Variants in ATP1B1 observed in about 807,000 individuals in gnomAD.
ATP1B1 encodes the protein sodium/potassium-transporting ATPase subunit beta-1.
A neutral mutation model predicts 39.6 loss-of-function variants in ATP1B1; 3 were observed. The ratio of observed to expected loss-of-function variants is 0.08; its 90% CI spans 0.03 to 0.20. ATP1B1 has a LOEUF of 0.20. Among genes scored for constraint, ATP1B1 ranks in the 10% least tolerant of loss-of-function variants. The probability of loss-of-function intolerance (pLI) is 1.00; values close to 1 mark genes in which losing one functional copy is unlikely to be tolerated. For synonymous variants in ATP1B1, 139 were observed against 135.0 expected, an observed-to-expected ratio of 1.03 and a Z score of -0.20; for missense variants, 216 against 371.1, an observed-to-expected ratio of 0.58 and a Z score of 3.43.
At chr1:169,107,035 T>G in intron 1 of ATP1B1, 109 bp downstream of exon 1, 4 of 1,088,662 alleles carry the variant, frequency 3.7e-6, no homozygotes, top group Non-Finnish European at 5.1e-6. Flanking sequence ...CTGGCCGGGG[T>G]GGCGGGGGCG....
At chr1:169,118,076 A>G (rs917930787) in intron 2 of ATP1B1, among the ~76,000 whole-genome samples, 1 of 152,230 alleles carries the variant, frequency 6.6e-6, no homozygotes, top group East Asian at 1.9e-4. Context: ...TGTATTGAGA[A>G]TAAGCACAAT....
chr1:169,114,245 A>T lies in ATP1B1; in HGVS notation c.226+2747A>T, dbSNP rs184732444. ...TAACTCCTTAAGTATGCAGACAAAC[A>T]GTGTGTTTAAGAATACCCTGACAAT... On this transcript the variant is annotated intron_variant, in intron 2 of 5. Transcript: ENST00000367815. Among the ~76,000 whole-genome samples the T allele has an allele frequency of 6.8e-5, 10 of 147,682 alleles. No individual in the cohort carries two copies. The East Asian group carries it at 1.2e-3, about 17-fold the overall frequency.
Position 169,110,738 on chromosome 1 carries a change from T to C in ATP1B1, c.98-632T>C. Reference sequence around the variant, plus strand: ...ATTTTCACTATAGAATTTTCTTTTTTTCCCCTTGTCTTGTCCTCCGAGGGG... The same window carrying C: ...ATTTTCACTATAGAATTTTCTTTTTCTCCCCTTGTCTTGTCCTCCGAGGGG... On this transcript the variant is annotated intron_variant, in intron 1 of 5. Coordinates refer to ENST00000367815, the MANE Select transcript of ATP1B1 (RefSeq NM_001677.4). The C allele has an allele frequency of 2.5e-6, 3 of 1,221,640 alleles. No individual in the cohort carries two copies. The Middle Eastern group carries it at 6.6e-4, about 270-fold the overall frequency. The allele number at this position is 1,221,640 out of a possible 1,614,324, so 75.7% of individuals were successfully genotyped here.
At chr1:169,127,144 G>T in intron 3 of ATP1B1, 80 bp from the exon 4 acceptor site, 1 of 1,420,188 alleles carries the variant, frequency 7.0e-7, no homozygotes, top group South Asian at 1.6e-5. Flanking sequence ...AGGTAACTAT[G>T]ACAAGGAAGA....
At chr1:169,124,703 A>G (rs1658052180) in intron 2 of ATP1B1, among the ~76,000 whole-genome samples, 181 bp from the exon 3 acceptor site, 1 of 152,236 alleles carries the variant, frequency 6.6e-6, no homozygotes, top group African/African-American at 2.4e-5. Flanking sequence ...ATTAAAGCAT[A>G]GTCACTGGTA....
At chr1:169,109,796 A>G (rs991679475) in intron 1 of ATP1B1, among the ~76,000 whole-genome samples, 6 of 151,928 alleles carry the variant, frequency 3.9e-5, no homozygotes, top group South Asian at 2.1e-4. Flanking sequence ...AGCAAGAGGA[A>G]ACTTGAATCA....
intron 4 of ATP1B1, among the ~76,000 whole-genome samples, chr1:169,128,873 T>C (rs955147005): frequency 3.3e-5 from 5 of 152,202 alleles, no homozygotes; most frequent in Non-Finnish European, 2.9e-5. Flanking sequence ...AGCTACTCTT[T>C]CTTTTCAGTC....
intron 1 of ATP1B1, chr1:169,110,709 G>T: frequency 3.9e-6 from 5 of 1,276,368 alleles, no homozygotes; most frequent in Non-Finnish European, 5.1e-6. Context: ...AAAATGTGCT[G>T]GTCATTTTCA....
chr1:169,124,542 C>T (rs918043832), intron 2 of ATP1B1, among the ~76,000 whole-genome samples: 17 of 152,206 alleles, frequency 1.1e-4, no homozygotes, highest in African/African-American at 4.1e-4. Context: ...CTTTGGAGTA[C>T]AGCACACCTG....
At position 169,127,414 on chromosome 1, in the gene ATP1B1, T is replaced by C. The variant is rs951412561; in HGVS notation, c.567+6T>C. The C allele has an allele frequency of 1.9e-6, 3 of 1,604,198 alleles. No individual in the cohort carries two copies. The African/African-American group carries it at 4.0e-5, about 22-fold the overall frequency. On this transcript the variant is annotated splice_donor_region_variant and intron_variant, in intron 4 of 5. Coordinates refer to ENST00000367815, the MANE Select transcript of ATP1B1 (RefSeq NM_001677.4). ...TTCTAGGCTTCAAACCTAAGGCAAG[T>C]AATATTTTAAATGATAGAATTTAGA...
At chr1:169,112,351 A>G (rs978718666) in intron 2 of ATP1B1, among the ~76,000 whole-genome samples, 2 of 152,378 alleles carry the variant, frequency 1.3e-5, no homozygotes, top group Non-Finnish European at 2.9e-5. Context: ...AATAGCCACA[A>G]ACGTGAATTT....
chr1:169,120,919 A>AT (rs1347108853), intron 2 of ATP1B1, among the ~76,000 whole-genome samples: 9 of 144,212 alleles, frequency 6.2e-5, no homozygotes, highest in Non-Finnish European at 1.2e-4. Context: ...GATCTTAGAT[A>AT]TTTTTTTTCT....
intron 3 of ATP1B1, 123 bp downstream of exon 3, chr1:169,125,162 GC>G: frequency 7.9e-7 from 1 of 1,263,370 alleles, no homozygotes; most frequent in Non-Finnish European, 1.1e-6. Context: ...TTGAACTCTG[GC>G]CATATTTAGA....
chr1:169,127,375 A>T lies in ATP1B1; in HGVS notation c.534A>T (p.Ile178=). 1.2e-6 allele frequency: 2 copies of T among 1,612,034 alleles called. No homozygotes were observed. The highest frequency in any genetic ancestry group is 1.1e-5 in the South Asian group (1 of 90,260). Residue 178 remains isoleucine, a synonymous_variant, in exon 4 of 6, where the codon ATA becomes ATT. Transcript: ENST00000367815. ...AAGAGGGCAAACCGTGCATTATTATAAAGCTCAACCGAGTTCTAGGCTTCA... is the reference window on the plus strand; with the variant it reads ...AAGAGGGCAAACCGTGCATTATTATTAAGCTCAACCGAGTTCTAGGCTTCA... ...GYKEGKPCII[I]KLNRVLGFKP...
At chr1:169,126,833 CCT>C (rs1301932179) in intron 3 of ATP1B1, among the ~76,000 whole-genome samples, 1 of 152,032 alleles carries the variant, frequency 6.6e-6, no homozygotes, top group Non-Finnish European at 1.5e-5. Flanking sequence ...TTATAATATC[CCT>C]GTTACTGAGC....
rs541136896 is a variant in ATP1B1 at position 169,114,858 on chromosome 1, C to T, written c.226+3360C>T. Among the ~76,000 whole-genome samples, 3 of 151,652 alleles carry T rather than the reference C, an allele frequency of 2.0e-5. No individual in the cohort carries two copies. The East Asian group carries it at 5.8e-4, about 29-fold the overall frequency. ...GGGCAACATAGCAAGACCCCATATC[C>T]ACACACACACAAAAAATTTTTTTAA... On this transcript the variant is annotated intron_variant, in intron 2 of 5. Coordinates refer to ENST00000367815, the MANE Select transcript of ATP1B1 (RefSeq NM_001677.4).
In ATP1B1 at chr1:169,132,641, T is replaced by C; in HGVS notation, c.*1086T>C. 1 of 682,376 alleles carries C rather than the reference T, an allele frequency of 1.5e-6. No individual in the cohort carries two copies. The highest frequency in any genetic ancestry group is 2.4e-6 in the Non-Finnish European group (1 of 408,350). The allele number at this position is 682,376 out of a possible 1,614,324, so 42.3% of individuals were successfully genotyped here. A position where few individuals can be genotyped will look rare whatever the true frequency, so the allele number is the denominator to read the frequency against. On this transcript the variant is annotated 3_prime_UTR_variant, in exon 6 of 6. Transcript: ENST00000367815. ...AAAATCCATGTTCTAACATATGTAA[T>C]AATTGCCAGGAGTACAGTGCTCTTG...
chr1:169,109,894 C>T (rs1431188740), intron 1 of ATP1B1, among the ~76,000 whole-genome samples: 1 of 152,028 alleles, frequency 6.6e-6, no homozygotes, highest in Non-Finnish European at 1.5e-5. Flanking sequence ...GATCTCTTGA[C>T]GTCACAGCGT....
intron 2 of ATP1B1, among the ~76,000 whole-genome samples, chr1:169,119,796 T>C (rs1370635260): frequency 7.3e-6 from 1 of 136,354 alleles, no homozygotes; most frequent in African/African-American, 3.0e-5. Flanking sequence ...AGCTGAAAAA[T>C]CATAAGGCAA....
Sources: allele counts gnomAD v4.1 joint callset (sites outside exome capture counted in the v4.1 genomes callset), GRCh38; gene constraint gnomAD v4.1.1; transcripts MANE v1.5; gene names NCBI Gene and HGNC (gene_info 2026-07-23, HGNC 2026-07-21).